TFDP2: variants seen among roughly 807,000 people sequenced by gnomAD.
TFDP2 encodes the protein transcription factor Dp-2.
Under a neutral mutation model 59.3 loss-of-function variants are expected in TFDP2, and 17 were observed. That is an observed-to-expected ratio of 0.29 (90% CI 0.20 to 0.43). The LOEUF (loss-of-function observed/expected upper bound fraction) is 0.43. Among genes scored for constraint, TFDP2 ranks in the 20% least tolerant of loss-of-function variants. The pLI is 1.00. For synonymous variants in TFDP2, 180 were observed against 194.7 expected, an observed-to-expected ratio of 0.92 and a Z score of 0.63; for missense variants, 391 against 528.8, an observed-to-expected ratio of 0.74 and a Z score of 2.56.
At position 142,041,737 on chromosome 3, in the gene TFDP2, A is replaced by T. The variant is rs141893467; in HGVS notation, c.83-36193T>A. Among the ~76,000 whole-genome samples, 513 of 152,348 alleles carry T rather than the reference A, an allele frequency of 3.4e-3. 2 individuals carry two copies. Among genetic ancestry groups the T allele is most frequent in the African/African-American group, 0.012 (483 of 41,588 alleles). On this transcript the variant is annotated intron_variant, in intron 3 of 12. Coordinates refer to ENST00000489671, the MANE Select transcript of TFDP2 (RefSeq NM_001178139.2). ...CATGCTTTTGGCGTTGTATCTAAAA[A>T]TCATTGCCAAACCCAAGGTTACACA...
chr3:142,043,176 A>T, intron 3 of TFDP2, among the ~76,000 whole-genome samples: 1 of 151,114 alleles, frequency 6.6e-6, no homozygotes, highest in East Asian at 2.0e-4. Context: ...CCTCCCAAGT[A>T]GCTGGGACTA....
intron 3 of TFDP2, among the ~76,000 whole-genome samples, chr3:142,014,653 T>G (rs1307889063): frequency 6.6e-6 from 1 of 152,056 alleles, no homozygotes; most frequent in East Asian, 1.9e-4. Context: ...TCACCTCAAC[T>G]GGCCCTTAAA....
At chr3:141,978,240 G>A (rs1941003961) in intron 7 of TFDP2, among the ~76,000 whole-genome samples, 1 of 151,506 alleles carries the variant, frequency 6.6e-6, no homozygotes, top group Admixed American at 6.6e-5. Context: ...AGCTACGCGG[G>A]AGGCTGAGTC....
At chr3:141,989,424 T>G (rs766343051) in intron 6 of TFDP2, 5 of 152,240 alleles carry the variant, frequency 3.3e-5, no homozygotes, top group Non-Finnish European at 7.3e-5. Flanking sequence ...AATGCCAGTA[T>G]GAGGAAAACC....
At chr3:142,141,022 G>A (rs1391251622) in intron 1 of TFDP2, among the ~76,000 whole-genome samples, 4 of 152,206 alleles carry the variant, frequency 2.6e-5, no homozygotes, top group African/African-American at 4.8e-5. Flanking sequence ...GGTAGGCTCC[G>A]CCCAGTTTGA....
In TFDP2 at chr3:141,951,082, A is replaced by AC. The variant is rs1935891788; in HGVS notation, c.*1430_*1431insG. 6.6e-6 allele frequency: 1 copy of AC among 152,190 alleles called. No homozygotes were observed. Among genetic ancestry groups the AC allele is most frequent in the Admixed American group, 6.5e-5 (1 of 15,274 alleles). 9.4% of individuals were successfully genotyped at this position (152,190 alleles called of 1,614,324 possible). Reference sequence around the variant, plus strand: ...AAGGAGCCTGCACTTCCCCCATGGGATTTAAAAAAGAACCAATTTGGGCCA... The same window carrying AC: ...AAGGAGCCTGCACTTCCCCCATGGGACTTTAAAAAAGAACCAATTTGGGCCA... On this transcript the variant is annotated 3_prime_UTR_variant, in exon 13 of 13. Transcript: ENST00000489671.
At chr3:142,136,215 C>G (rs952971676) in intron 1 of TFDP2, among the ~76,000 whole-genome samples, 10 of 152,066 alleles carry the variant, frequency 6.6e-5, no homozygotes, top group African/African-American at 2.2e-4. Flanking sequence ...TGAGAAGTAT[C>G]TGTTCATATC....
intron 1 of TFDP2, among the ~76,000 whole-genome samples, chr3:142,135,715 C>T (rs1471250518): frequency 1.3e-5 from 2 of 152,052 alleles, no homozygotes; most frequent in Non-Finnish European, 2.9e-5. Context: ...TCATCCATGT[C>T]CCTGCAAAGG....
chr3:142,113,872 C>T (rs1010149742), intron 1 of TFDP2, among the ~76,000 whole-genome samples: 4 of 151,962 alleles, frequency 2.6e-5, no homozygotes, highest in African/African-American at 9.7e-5. Flanking sequence ...CAAAATAACT[C>T]TACAGAATAG....
intron 2 of TFDP2, among the ~76,000 whole-genome samples, chr3:142,096,871 A>G (rs1407156018): frequency 6.6e-6 from 1 of 152,222 alleles, no homozygotes; most frequent in Non-Finnish European, 1.5e-5. Context: ...AAGACAAACT[A>G]AAGAGCTCAT....
At position 141,959,769 on chromosome 3, in the gene TFDP2, C is replaced by T. The variant is rs753128579; in HGVS notation, c.956G>A (p.Gly319Glu). 3.1e-6 allele frequency: 5 copies of T among 1,614,022 alleles called. No homozygotes were observed. Among genetic ancestry groups the T allele is most frequent in the Non-Finnish European group, 4.2e-6 (5 of 1,180,028 alleles). The change falls in exon 11 of 13, where the codon GGA (glycine) becomes GAA (glutamate). Residue 319 changes from glycine (G) to glutamate (E), a missense_variant. Gly to Glu is a moderately conservative substitution (Grantham distance 98). Transcript: ENST00000489671. ...HDDIEVLKRM[G>E]MSFGLESGKC... is the part of the protein sequence containing the mutation. ...GCCTGACTCCAGGCCAAACGACATT[C>T]CCATCCGCTTTAGTACTTCTATGTC...
At chr3:142,003,248 CTTGG>C (rs1486673005) in intron 4 of TFDP2, among the ~76,000 whole-genome samples, 7 of 152,106 alleles carry the variant, frequency 4.6e-5, no homozygotes, top group Non-Finnish European at 8.8e-5. Flanking sequence ...ATCCACCCAC[CTTGG>C]CCTCCCAAAG....
intron 8 of TFDP2, among the ~76,000 whole-genome samples, chr3:141,972,950 T>C (rs1285199983): frequency 1.3e-5 from 2 of 151,770 alleles, no homozygotes; most frequent in Non-Finnish European, 2.9e-5. Flanking sequence ...CACTGTAGCA[T>C]ATGAAAAATA....
Position 141,951,525 on chromosome 3 carries a change from T to C in TFDP2, c.*988A>G, listed in dbSNP as rs935967580. On this transcript the variant is annotated 3_prime_UTR_variant, in exon 13 of 13. Transcript: ENST00000489671. ...AACACTGCTGTTCATATTCTTGAAATAGACTTTTCTTTAAGACAAAAGTAA... is the reference window on the plus strand; with the variant it reads ...AACACTGCTGTTCATATTCTTGAAACAGACTTTTCTTTAAGACAAAAGTAA... The C allele has an allele frequency of 6.6e-6, 1 of 152,658 alleles. No homozygotes were observed. Among genetic ancestry groups the C allele is most frequent in the African/African-American group, 2.4e-5 (1 of 41,468 alleles). 9.5% of individuals were successfully genotyped at this position (152,658 alleles called of 1,614,324 possible).
intron 1 of TFDP2, among the ~76,000 whole-genome samples, chr3:142,138,615 T>C (rs2062821992): frequency 6.6e-6 from 1 of 152,236 alleles, no homozygotes; most frequent in African/African-American, 2.4e-5. Context: ...TCTGCCTTCA[T>C]TTCATTATGT....
chr3:142,021,806 T>C (rs1945630511), intron 3 of TFDP2, among the ~76,000 whole-genome samples: 1 of 152,240 alleles, frequency 6.6e-6, no homozygotes, highest in Non-Finnish European at 1.5e-5. Flanking sequence ...TTTCATTTAG[T>C]TCATCAAACC....
intron 9 of TFDP2, among the ~76,000 whole-genome samples, chr3:141,965,092 T>C (rs1471584216): frequency 6.6e-6 from 1 of 152,150 alleles, no homozygotes; most frequent in East Asian, 1.9e-4. Flanking sequence ...ATCTCCCTTT[T>C]TTTAATAAGG....
At chr3:141,952,825 C>G in intron 12 of TFDP2, 86 bp downstream of exon 12, 1 of 1,541,266 alleles carries the variant, frequency 6.5e-7, no homozygotes, top group Non-Finnish European at 9.0e-7. Flanking sequence ...AGGACCTGTG[C>G]TGGCAGTAAC....
intron 6 of TFDP2, among the ~76,000 whole-genome samples, chr3:141,987,922 G>A (rs1942298397): frequency 7.3e-6 from 1 of 136,680 alleles, no homozygotes; most frequent in Non-Finnish European, 1.5e-5. Flanking sequence ...CTGGACGACA[G>A]AGCAAGACCC....
Sources: gnomAD v4.1 joint callset for allele counts (sites outside exome capture counted in the v4.1 genomes callset) on GRCh38, gnomAD v4.1.1 for gene constraint, MANE v1.5 for transcripts, NCBI Gene and HGNC (gene_info 2026-07-23, HGNC 2026-07-21) for gene names.